Variants in COMMD10 observed in about 807,000 individuals in gnomAD.
COMMD10 encodes the protein COMM domain containing 10.
A neutral mutation model predicts 28.9 loss-of-function variants in COMMD10; 33 were observed. The observed-to-expected ratio is 1.14, with a 90% confidence interval of 0.87 to 1.53. The LOEUF (loss-of-function observed/expected upper bound fraction) is 1.53, where lower values mean the gene tolerates loss of function less well. Ranked by LOEUF, COMMD10 falls within the 40% of genes most tolerant of loss-of-function variation. The pLI is 0.00. For missense variants in COMMD10, 310 were observed against 233.4 expected (o/e 1.33, Z -2.14); for synonymous variants, 110 against 81.7 (o/e 1.35, Z -1.87).
At position 116,092,709 on chromosome 5, in the gene COMMD10, C is replaced by CCTTCAG. The variant is rs763549331; in HGVS notation, c.399+9_399+10insCTTCAG. On this transcript the variant is annotated intron_variant, in intron 4 of 6. Transcript: ENST00000274458. ...TTCTGGCTCCCTGTAAGGTATAGAACATACTGTCTTAAATATGTTTTTCAA... is the reference window on the plus strand; with the variant it reads ...TTCTGGCTCCCTGTAAGGTATAGAACCTTCAGATACTGTCTTAAATATGTTTTTCAA... The CCTTCAG allele has an allele frequency of 1.3e-6, 2 of 1,552,722 alleles. No individual in the cohort carries two copies. The highest frequency in any genetic ancestry group is 2.0e-5 in the Admixed American group (1 of 51,170).
intron 4 of COMMD10, among the ~76,000 whole-genome samples, chr5:116,118,834 C>G (rs931194713): frequency 2.0e-5 from 3 of 152,120 alleles, no homozygotes; most frequent in Non-Finnish European, 4.4e-5. Flanking sequence ...CTTAATCAGT[C>G]TTATTTGAAA....
rs1356393545 is a variant in COMMD10 at position 116,267,147 on chromosome 5, A to C, written c.511-24370A>C. 4.0e-5 allele frequency among the ~76,000 whole-genome samples: 6 copies of C among 151,896 alleles called. 1 individual carries two copies. Among genetic ancestry groups the C allele is most frequent in the African/African-American group, 1.5e-4 (6 of 41,186 alleles). On this transcript the variant is annotated intron_variant, in intron 5 of 6. Transcript: ENST00000274458. ...AAGGGTAGTCAATTAGGAAAAGAGG[A>C]AGTCAAATGGTCCCTGTTTGCAGAT...
intron 5 of COMMD10, among the ~76,000 whole-genome samples, chr5:116,165,635 C>A (rs78713280): frequency 0.013 from 2,010 of 150,776 alleles, 44 homozygotes; most frequent in African/African-American, 0.045. Context: ...TTTGTGCGCA[C>A]ACACACGCGT....
chr5:116,257,879 T>C (rs1205422526), intron 5 of COMMD10, among the ~76,000 whole-genome samples: 1 of 151,672 alleles, frequency 6.6e-6, no homozygotes, highest in Non-Finnish European at 1.5e-5. Context: ...GAGAAGTAAT[T>C]TTCCAAGAAT....
intron 5 of COMMD10, among the ~76,000 whole-genome samples, chr5:116,195,978 T>C (rs113977237): frequency 6.6e-6 from 1 of 152,196 alleles, no homozygotes; most frequent in African/African-American, 2.4e-5. Flanking sequence ...ACGTCTACAC[T>C]GCTGGTGGGA....
intron 5 of COMMD10, among the ~76,000 whole-genome samples, chr5:116,226,505 G>C (rs552584415): frequency 1.4e-5 from 2 of 143,790 alleles, no homozygotes; most frequent in African/African-American, 5.3e-5. Context: ...TCTCTATTTA[G>C]TAGTGCATTT....
At chr5:116,272,241 T>C (rs1044574152) in intron 5 of COMMD10, among the ~76,000 whole-genome samples, 1 of 151,694 alleles carries the variant, frequency 6.6e-6, no homozygotes, top group Non-Finnish European at 1.5e-5. Flanking sequence ...AAAAAATGGG[T>C]ATTCTTTATA....
At chr5:116,264,515 C>T (rs1414203312) in intron 5 of COMMD10, among the ~76,000 whole-genome samples, 3 of 151,786 alleles carry the variant, frequency 2.0e-5, no homozygotes, top group African/African-American at 4.9e-5. Context: ...CTCTCAGTCT[C>T]CTCTGTTATT....
intron 5 of COMMD10, among the ~76,000 whole-genome samples, chr5:116,138,911 A>C (rs1182710260): frequency 6.6e-6 from 1 of 151,674 alleles, no homozygotes; most frequent in Admixed American, 6.6e-5. Flanking sequence ...TTTGTGGTTA[A>C]AACCTCTCTT....
At chr5:116,103,997 C>T (rs1750749012) in intron 4 of COMMD10, among the ~76,000 whole-genome samples, 1 of 152,066 alleles carries the variant, frequency 6.6e-6, no homozygotes, top group African/African-American at 2.4e-5. Flanking sequence ...TGTTATGTTC[C>T]ATTGGTCTAT....
intron 5 of COMMD10, among the ~76,000 whole-genome samples, chr5:116,169,196 A>G (rs1753237355): frequency 6.6e-6 from 1 of 152,136 alleles, no homozygotes; most frequent in Non-Finnish European, 1.5e-5. Context: ...AATACAAACT[A>G]CCATCAGAGA....
chr5:116,264,674 T>C (rs566894119), intron 5 of COMMD10, among the ~76,000 whole-genome samples: 1 of 152,056 alleles, frequency 6.6e-6, no homozygotes. Context: ...CTGCCCCATA[T>C]TGCTAATTTC....
At chr5:116,153,816 G>A (rs1328671767) in intron 5 of COMMD10, among the ~76,000 whole-genome samples, 6 of 152,046 alleles carry the variant, frequency 3.9e-5, no homozygotes, top group African/African-American at 1.4e-4. Flanking sequence ...CCTCCTCAGG[G>A]TAGGTGATTT....
At chr5:116,182,345 A>G (rs571190290) in intron 5 of COMMD10, among the ~76,000 whole-genome samples, 123 of 151,946 alleles carry the variant, frequency 8.1e-4, no homozygotes, top group African/African-American at 2.8e-3. Context: ...ATTAAGAACA[A>G]TAGGTTTCCG....
intron 4 of COMMD10, among the ~76,000 whole-genome samples, chr5:116,106,098 A>AT (rs754139927): frequency 1.6e-3 from 215 of 132,588 alleles, no homozygotes; most frequent in South Asian, 3.2e-3. Context: ...GTTTTGTTTT[A>AT]TTTTTTTTTT....
chr5:116,107,839 T>TG (rs1188127389), intron 4 of COMMD10, among the ~76,000 whole-genome samples: 2 of 152,200 alleles, frequency 1.3e-5, no homozygotes, highest in Non-Finnish European at 2.9e-5. Context: ...TGTTCTTTGA[T>TG]GTTGGTGACC....
chr5:116,099,391 A>C (rs1301687874), intron 4 of COMMD10, among the ~76,000 whole-genome samples: 5 of 151,882 alleles, frequency 3.3e-5, no homozygotes, highest in Admixed American at 3.3e-4. Flanking sequence ...GCCATTGTGA[A>C]TAATACTGCA....
At chr5:116,128,471 A>G (rs1000736588) in intron 4 of COMMD10, among the ~76,000 whole-genome samples, 1 of 152,084 alleles carries the variant, frequency 6.6e-6, no homozygotes, top group Non-Finnish European at 1.5e-5. Context: ...CATTAATATA[A>G]TTCATTGATA....
intron 5 of COMMD10, among the ~76,000 whole-genome samples, chr5:116,190,575 G>A (rs1422400512): frequency 1.3e-5 from 2 of 152,276 alleles, no homozygotes; most frequent in East Asian, 3.9e-4. Flanking sequence ...TAGATTTTCT[G>A]TCACTGGCAA....
Sources: gnomAD v4.1 joint callset for allele counts (sites outside exome capture counted in the v4.1 genomes callset) on GRCh38, gnomAD v4.1.1 for gene constraint, MANE v1.5 for transcripts, NCBI Gene and HGNC (gene_info 2026-07-23, HGNC 2026-07-21) for gene names.